ADAMTS19: variants seen among roughly 807,000 people sequenced by gnomAD.
ADAMTS19 encodes ADAM metallopeptidase with thrombospondin type 1 motif 19, also known as A disintegrin and metalloproteinase with thrombospondin motifs 19.
ADAMTS19 carries 93 observed loss-of-function variants against 153.3 expected under a neutral mutation model. The ratio of observed to expected loss-of-function variants is 0.61; its 90% CI spans 0.51 to 0.72. The LOEUF is 0.72. Among genes scored for constraint, ADAMTS19 ranks in the 30% least tolerant of loss-of-function variants. The pLI is 0.00. For synonymous variants in ADAMTS19, 600 were observed against 556.6 expected (o/e 1.08, Z -1.10); for missense variants, 1,482 against 1,552.1 (o/e 0.95, Z 0.76).
chr5:129,658,308 AAAAAGAAAG>A (rs1753639115), intron 14 of ADAMTS19, among the ~76,000 whole-genome samples: 1 of 85,650 alleles, frequency 1.2e-5, no homozygotes. Flanking sequence ...AGAAAGAAAG[AAAAAGAAAG>A]AAAGAAAGAA....
At chr5:129,661,660 C>G (rs1005836032) in intron 15 of ADAMTS19, among the ~76,000 whole-genome samples, 1 of 152,054 alleles carries the variant, frequency 6.6e-6, no homozygotes, top group African/African-American at 2.4e-5. Flanking sequence ...TTCCTTAATA[C>G]TTTATCATGT....
intron 8 of ADAMTS19, among the ~76,000 whole-genome samples, chr5:129,619,648 G>A (rs1388108650): frequency 6.6e-6 from 1 of 151,946 alleles, no homozygotes; most frequent in East Asian, 1.9e-4. Flanking sequence ...GGAGGGGAAG[G>A]GAGAATGTTG....
At chr5:129,692,176 A>G (rs915956609) in intron 18 of ADAMTS19, among the ~76,000 whole-genome samples, 2 of 152,164 alleles carry the variant, frequency 1.3e-5, no homozygotes, top group Non-Finnish European at 2.9e-5. Context: ...ATAATACCTA[A>G]GCTAGCATTA....
At chr5:129,548,450 C>A (rs992134651) in intron 6 of ADAMTS19, among the ~76,000 whole-genome samples, 1 of 151,974 alleles carries the variant, frequency 6.6e-6, no homozygotes, top group East Asian at 1.9e-4. Context: ...GGCCATCAGA[C>A]AAATGCAAAT....
intron 19 of ADAMTS19, among the ~76,000 whole-genome samples, chr5:129,695,412 C>A (rs192637032): frequency 2.9e-3 from 447 of 152,218 alleles, no homozygotes; most frequent in Non-Finnish European, 4.6e-3. Flanking sequence ...TCCTCTGACA[C>A]CCCCCAATGA....
intron 4 of ADAMTS19, 155 bp downstream of exon 4, chr5:129,526,611 TC>T: frequency 1.5e-6 from 1 of 669,640 alleles, no homozygotes; most frequent in Non-Finnish European, 2.3e-6. Flanking sequence ...ATAAAATTGA[TC>T]CATCTCAAAA....
chr5:129,461,075 C>A lies in ADAMTS19; in HGVS notation c.92-27C>A. On this transcript the variant is annotated intron_variant, in intron 1 of 22. Coordinates refer to ENST00000274487, the MANE Select transcript of ADAMTS19 (RefSeq NM_133638.6). The surrounding 1 kb of genome is among the most constrained non-coding windows in gnomAD (Gnocchi z 4.6). The stretch of plus-strand genomic sequence containing the variant: ...TACTGGAACCGCGGCACTTTAAGCC[C>A]CGCACTTCTGTCTGCCCCGCCCGCA... 7.4e-7 allele frequency: 1 copy of A among 1,360,460 alleles called. No homozygotes were observed. Among genetic ancestry groups the A allele is most frequent in the Non-Finnish European group, 9.4e-7 (1 of 1,060,110 alleles). 84.3% of individuals were successfully genotyped at this position (1,360,460 alleles called of 1,614,324 possible).
At chr5:129,557,675 G>C (rs184609203) in intron 7 of ADAMTS19, among the ~76,000 whole-genome samples, 68 of 152,114 alleles carry the variant, frequency 4.5e-4, no homozygotes, top group African/African-American at 1.6e-3. Flanking sequence ...TTTTGTAGTT[G>C]ATTTCTATGT....
intron 11 of ADAMTS19, among the ~76,000 whole-genome samples, chr5:129,645,404 T>C (rs986127469): frequency 6.6e-6 from 1 of 152,212 alleles, no homozygotes; most frequent in Admixed American, 6.5e-5. Flanking sequence ...ACTTTCCTCA[T>C]TGTTGAAGCA....
chr5:129,467,499 G>A (rs1749905175), intron 2 of ADAMTS19, among the ~76,000 whole-genome samples: 1 of 152,140 alleles, frequency 6.6e-6, no homozygotes, highest in Admixed American at 6.5e-5. Flanking sequence ...CCCAAATCTA[G>A]ATATACATTC....
At chr5:129,633,844 G>A (rs888819164) in intron 10 of ADAMTS19, among the ~76,000 whole-genome samples, 12 of 152,224 alleles carry the variant, frequency 7.9e-5, no homozygotes, top group Admixed American at 6.5e-4. Flanking sequence ...TTGCCAAGGG[G>A]AGACTTAAGC....
intron 19 of ADAMTS19, among the ~76,000 whole-genome samples, chr5:129,699,015 A>G (rs1248094915): frequency 6.6e-6 from 1 of 152,246 alleles, no homozygotes; most frequent in East Asian, 1.9e-4. Context: ...CTAGGCTGTA[A>G]GAGGATGTGA....
chr5:129,559,939 A>G (rs1238646622), intron 7 of ADAMTS19, among the ~76,000 whole-genome samples: 1 of 152,160 alleles, frequency 6.6e-6, no homozygotes, highest in Non-Finnish European at 1.5e-5. Context: ...CTTACAAACC[A>G]GTTCTCTATC....
chr5:129,622,916 G>C (rs1452452064), intron 10 of ADAMTS19, among the ~76,000 whole-genome samples: 1 of 151,344 alleles, frequency 6.6e-6, no homozygotes, highest in Non-Finnish European at 1.5e-5. Flanking sequence ...TTTTAAATTT[G>C]TTTTTATCTG....
At chr5:129,559,762 A>G (rs1404780645) in intron 7 of ADAMTS19, among the ~76,000 whole-genome samples, 2 of 152,196 alleles carry the variant, frequency 1.3e-5, no homozygotes. Context: ...TAAAGCTCTT[A>G]AAACATTCTA....
At chr5:129,607,078 C>A (rs1429829673) in intron 8 of ADAMTS19, among the ~76,000 whole-genome samples, 2 of 151,954 alleles carry the variant, frequency 1.3e-5, no homozygotes, top group Non-Finnish European at 2.9e-5. Flanking sequence ...GCACCCCACC[C>A]AGCTAATTTT....
chr5:129,731,545 T>C (rs7715853), intron 21 of ADAMTS19, among the ~76,000 whole-genome samples: 2,391 of 152,184 alleles, frequency 0.016, 62 homozygotes, highest in African/African-American at 0.053. Flanking sequence ...GCATTTTCAA[T>C]TAATATGTGC....
chr5:129,571,998 C>T (rs1409068335), intron 7 of ADAMTS19, among the ~76,000 whole-genome samples: 1 of 151,760 alleles, frequency 6.6e-6, no homozygotes, highest in Non-Finnish European at 1.5e-5. Flanking sequence ...ACAAAATAGA[C>T]TATTAATCCA....
intron 6 of ADAMTS19, among the ~76,000 whole-genome samples, chr5:129,538,613 C>A (rs1752545032): frequency 6.6e-6 from 1 of 152,026 alleles, no homozygotes; most frequent in South Asian, 2.1e-4. Flanking sequence ...TGATATATTT[C>A]ATATATACAA....
Sources: gnomAD v4.1 joint callset for allele counts (sites outside exome capture counted in the v4.1 genomes callset) on GRCh38, gnomAD v4.1.1 for gene constraint, Gnocchi (gnomAD v3.1) non-coding constraint, MANE v1.5 for transcripts, NCBI Gene and HGNC (gene_info 2026-07-23, HGNC 2026-07-21) for gene names.